The following MLPH variants were observed in gnomAD, a reference collection of about 807,000 sequenced individuals.
MLPH encodes the protein melanophilin.
MLPH carries 51 observed loss-of-function variants against 72.1 expected under a neutral mutation model. That is an observed-to-expected ratio of 0.71 (90% CI 0.56 to 0.89). The LOEUF (loss-of-function observed/expected upper bound fraction) is 0.89. Among genes scored for constraint, MLPH ranks in the 40% least tolerant of loss-of-function variants. The pLI is 0.00. For synonymous variants in MLPH, 301 were observed against 310.1 expected, an observed-to-expected ratio of 0.97 and a Z score of 0.31; for missense variants, 743 against 759.9, an observed-to-expected ratio of 0.98 and a Z score of 0.26.
rs776834294 is a variant in MLPH at position 237,510,816 on chromosome 2, A to G, written c.332+21A>G. 6.2e-6 allele frequency: 10 copies of G among 1,612,420 alleles called. No individual in the cohort carries two copies. The highest frequency in any genetic ancestry group is 8.5e-6 in the Non-Finnish European group (10 of 1,179,588). On this transcript the variant is annotated intron_variant, in intron 3 of 15. Coordinates refer to ENST00000264605, the MANE Select transcript of MLPH (RefSeq NM_024101.7). This position sits in a 1 kb window ranked among gnomAD's most constrained non-coding sequence, Gnocchi z 4.4. The stretch of plus-strand genomic sequence containing the variant: ...GCCAGGTGAGCCCAGGCCTTGAGGT[A>G]AAATGACCTTGATAGTTTCTGGATC...
chr2:237,546,465 T>TG (rs1221052898), intron 12 of MLPH, 141 bp from the exon 13 acceptor site: 12 of 741,886 alleles, frequency 1.6e-5, no homozygotes, highest in South Asian at 1.6e-4. Flanking sequence ...AGCGGCATAC[T>TG]GGGGGTGGCT....
intron 14 of MLPH, among the ~76,000 whole-genome samples, chr2:237,549,906 C>T (rs2149162700): frequency 6.6e-6 from 1 of 152,342 alleles, no homozygotes; most frequent in African/African-American, 2.4e-5. Flanking sequence ...GCCACAGCTG[C>T]AGTCCTTGCA....
intron 8 of MLPH, among the ~76,000 whole-genome samples, chr2:237,527,862 A>C (rs902868634): frequency 4.6e-5 from 7 of 152,224 alleles, no homozygotes; most frequent in African/African-American, 1.7e-4. Context: ...GTAATAATCA[A>C]AAGGTGGAAG....
rs200188027 is a variant in MLPH at position 237,538,934 on chromosome 2, G to A, written c.1105-1414G>A. ...GTGGGATTTGCCCAAAGAGCTGGCA[G>A]AGGTGCCGGGGCTGCCGTGTGGCTG... On this transcript the variant is annotated intron_variant, in intron 9 of 15. Transcript: ENST00000264605. Among the ~76,000 whole-genome samples, 400 of 152,368 alleles carry A rather than the reference G, an allele frequency of 2.6e-3. 6 individuals are homozygous for A. The highest frequency in any genetic ancestry group is 9.2e-3 in the African/African-American group (383 of 41,596).
Position 237,510,433 on chromosome 2 carries a change from A to G in MLPH, c.111-141A>G, listed in dbSNP as rs962588561. The G allele has an allele frequency of 1.1e-6, 1 of 897,650 alleles. No individual in the cohort carries two copies. The highest frequency in any genetic ancestry group is 1.7e-5 in the African/African-American group (1 of 60,514). 55.6% of individuals were successfully genotyped at this position (897,650 alleles called of 1,614,324 possible). The stretch of plus-strand genomic sequence containing the variant: ...GTGTGGCTTTGCCCAACGTTGGGTC[A>G]CTGTTTTCTGCATAGGAGACAGTTA... On this transcript the variant is annotated intron_variant, in intron 2 of 15. Coordinates refer to ENST00000264605, the MANE Select transcript of MLPH (RefSeq NM_024101.7). This position sits in a 1 kb window ranked among gnomAD's most constrained non-coding sequence, Gnocchi z 4.4.
intron 4 of MLPH, among the ~76,000 whole-genome samples, chr2:237,514,685 G>A (rs779098141): frequency 6.6e-5 from 10 of 152,348 alleles, no homozygotes; most frequent in East Asian, 5.8e-4. Context: ...GCAGGCATCC[G>A]CTGAGTGTGT....
At chr2:237,511,325 T>C in intron 4 of MLPH, 1 of 469,882 alleles carries the variant, frequency 2.1e-6, no homozygotes, top group South Asian at 2.1e-5. Flanking sequence ...TTTCCCAGAC[T>C]GGCCTCGAAC....
intron 12 of MLPH, chr2:237,545,628 A>G (rs1309370336): frequency 2.3e-6 from 3 of 1,284,254 alleles, no homozygotes; most frequent in South Asian, 2.5e-5. Flanking sequence ...GGAGGCTCAC[A>G]TCAGAGGAGC....
intron 4 of MLPH, among the ~76,000 whole-genome samples, chr2:237,516,780 AATGGATGGATGGATGG>A (rs545327814): frequency 0.015 from 2,086 of 142,742 alleles, 36 homozygotes; most frequent in South Asian, 0.062. Context: ...GGGAGAGATG[AATGGATGGATGGATGG>A]ATGGATGGAT....
intron 2 of MLPH, 25 bp downstream of exon 2, chr2:237,493,561 G>A (rs764169180): frequency 2.2e-5 from 34 of 1,580,894 alleles, no homozygotes; most frequent in African/African-American, 9.4e-5. Flanking sequence ...CTGAGCCCAC[G>A]GAGCCCGGGG....
Position 237,553,991 on chromosome 2 carries a change from AC to A in MLPH, c.*401del. Reference sequence around the variant, plus strand: ...GGAAAAAAGATGACTCAGTTAAGGCACCAGCCATATGTGTATTCTTGATGGT... The same window carrying A: ...GGAAAAAAGATGACTCAGTTAAGGCACAGCCATATGTGTATTCTTGATGGT... On this transcript the variant is annotated 3_prime_UTR_variant, in exon 16 of 16. Coordinates refer to ENST00000264605, the MANE Select transcript of MLPH (RefSeq NM_024101.7). The A allele has an allele frequency of 2.7e-6, 1 of 372,000 alleles. No individual in the cohort carries two copies. Among genetic ancestry groups the A allele is most frequent in the Non-Finnish European group, 5.2e-6 (1 of 191,482 alleles). 23.0% of individuals were successfully genotyped at this position (372,000 alleles called of 1,614,324 possible).
rs1260851629 is a variant in MLPH at position 237,510,836 on chromosome 2, T to C, written c.332+41T>C. 2 of 1,609,704 alleles carry C rather than the reference T, an allele frequency of 1.2e-6. No individual in the cohort carries two copies. Among genetic ancestry groups the C allele is most frequent in the African/African-American group, 2.7e-5 (2 of 74,846 alleles). ...GAGGTAAAATGACCTTGATAGTTTC[T>C]GGATCTGGCGTGTCCCTTCCATGGG... On this transcript the variant is annotated intron_variant, in intron 3 of 15. Coordinates refer to ENST00000264605, the MANE Select transcript of MLPH (RefSeq NM_024101.7). The surrounding 1 kb of genome is among the most constrained non-coding windows in gnomAD (Gnocchi z 4.4).
At chr2:237,524,663 C>G (rs1286911606) in intron 6 of MLPH, among the ~76,000 whole-genome samples, 4 of 152,200 alleles carry the variant, frequency 2.6e-5, no homozygotes, top group Non-Finnish European at 1.5e-5. Flanking sequence ...TTGCATCCCT[C>G]GATCCAATCA....
rs188105607 is a variant in MLPH, at chr2:237,537,260, C to T, written c.1104+2613C>T. Among the ~76,000 whole-genome samples, 593 of 152,258 alleles carry T rather than the reference C, an allele frequency of 3.9e-3. 6 individuals carry two copies. Among genetic ancestry groups the T allele is most frequent in the African/African-American group, 0.014 (565 of 41,534 alleles). On this transcript the variant is annotated intron_variant, in intron 9 of 15. Transcript: ENST00000264605. The stretch of plus-strand genomic sequence containing the variant: ...CCACACATACATGTGTATATGTGTG[C>T]ATGTGTTGTGTGTGTAGGTTTGTGT...
chr2:237,524,398 G>T (rs1165273144), intron 6 of MLPH, among the ~76,000 whole-genome samples: 1 of 151,318 alleles, frequency 6.6e-6, no homozygotes. Flanking sequence ...GGAGCAGGGA[G>T]AGCCAGTCGG....
chr2:237,496,867 G>T (rs535219645), intron 2 of MLPH, among the ~76,000 whole-genome samples: 3 of 152,236 alleles, frequency 2.0e-5, no homozygotes, highest in Non-Finnish European at 2.9e-5. Context: ...GAATGCCCAA[G>T]TGGCATTGCT....
rs774162503 is a variant in MLPH, at chr2:237,493,497, G to A, written c.71G>A (p.Arg24Gln). Residue 24 changes from arginine (R) to glutamine (Q), a missense_variant, in exon 2 of 16, where the codon CGA (arginine) becomes CAA (glutamine). Physicochemically the swap from Arg to Gln is conservative, Grantham distance 43. Transcript: ENST00000264605. ...CAGCATGTCTTGGAAGTTGTTCAACGAGATTTTGACCTCCGAAGGAAAGAA... is the reference window on the plus strand; with the variant it reads ...CAGCATGTCTTGGAAGTTGTTCAACAAGATTTTGACCTCCGAAGGAAAGAA... Reference protein sequence around the residue: ...EAQHVLEVVQRDFDLRRKEEE... With the variant: ...EAQHVLEVVQQDFDLRRKEEE... 5 of 1,613,894 alleles carry A rather than the reference G, an allele frequency of 3.1e-6. No homozygotes were observed. The highest frequency in any genetic ancestry group is 2.2e-5 in the East Asian group (1 of 44,878).
intron 12 of MLPH, chr2:237,545,311 C>A (rs1215065548): frequency 1.1e-5 from 6 of 567,318 alleles, no homozygotes; most frequent in Non-Finnish European, 1.6e-5. Context: ...AGCACACACG[C>A]CACCGTGGGC....
chr2:237,528,445 G>A (rs985824565), intron 8 of MLPH, among the ~76,000 whole-genome samples: 13 of 151,916 alleles, frequency 8.6e-5, no homozygotes, highest in African/African-American at 3.1e-4. Context: ...CCACCTCCCG[G>A]GTTCAAGTGA....
Sources: gnomAD v4.1 joint callset for allele counts (sites outside exome capture counted in the v4.1 genomes callset) on GRCh38, gnomAD v4.1.1 for gene constraint, Gnocchi (gnomAD v3.1) non-coding constraint, MANE v1.5 for transcripts, NCBI Gene and HGNC (gene_info 2026-07-23, HGNC 2026-07-21) for gene names.